The following PPM1H variants were observed in gnomAD, a reference collection of about 807,000 sequenced individuals.
PPM1H encodes the protein protein phosphatase, Mg2+/Mn2+ dependent 1H.
Under a neutral mutation model 54.9 loss-of-function variants are expected in PPM1H, and 27 were observed. That is an observed-to-expected ratio of 0.49 (90% CI 0.36 to 0.68). The LOEUF is 0.68. Ranked by LOEUF, PPM1H falls within the 30% of genes least tolerant of loss-of-function variation. The probability of loss-of-function intolerance (pLI) is 0.00; values close to 1 mark genes in which losing one functional copy is unlikely to be tolerated. For synonymous variants in PPM1H, 305 were observed against 270.8 expected (o/e 1.13, Z -1.24); for missense variants, 596 against 667.8 (o/e 0.89, Z 1.19).
chr12:62,914,782 G>A (rs1565827829), intron 1 of PPM1H, among the ~76,000 whole-genome samples: 1 of 152,146 alleles, frequency 6.6e-6, no homozygotes, highest in Non-Finnish European at 1.5e-5. Flanking sequence ...TACCTACAAA[G>A]GGAGCAGAGA....
At chr12:62,853,189 G>A (rs1869259505) in intron 1 of PPM1H, among the ~76,000 whole-genome samples, 1 of 151,974 alleles carries the variant, frequency 6.6e-6, no homozygotes, top group Admixed American at 6.6e-5. Flanking sequence ...TTGTTCTTAG[G>A]TGATTCAGAC....
chr12:62,915,858 T>C (rs887071685), intron 1 of PPM1H, among the ~76,000 whole-genome samples: 1 of 152,150 alleles, frequency 6.6e-6, no homozygotes, highest in East Asian at 1.9e-4. Flanking sequence ...CACAAAAGAT[T>C]TTTCTAATTC....
intron 1 of PPM1H, among the ~76,000 whole-genome samples, chr12:62,865,176 A>G (rs1869731557): frequency 6.6e-6 from 1 of 152,172 alleles, no homozygotes; most frequent in Admixed American, 6.5e-5. Flanking sequence ...GCCCCTCCTA[A>G]GAAGGTGTCC....
rs546905544 is a variant in PPM1H, at chr12:62,790,155, T to C, written c.757-1817A>G. On this transcript the variant is annotated intron_variant, in intron 3 of 9. Transcript: ENST00000228705. ...TCCTCATGGAAAAGGGGGAGAGAAG[T>C]CAAGACCCCAGCATTTACCAGCAAC... 2.0e-5 allele frequency among the ~76,000 whole-genome samples: 3 copies of C among 152,182 alleles called. No individual in the cohort carries two copies. The East Asian group carries it at 5.8e-4, about 29-fold the overall frequency.
intron 7 of PPM1H, among the ~76,000 whole-genome samples, chr12:62,691,810 C>CA (rs34984420): frequency 0.24 from 31,115 of 127,624 alleles, 3,892 homozygotes; most frequent in East Asian, 0.35. Flanking sequence ...TGCCATGTCT[C>CA]AAAAAAAAAA....
chr12:62,694,072 T>C, intron 6 of PPM1H, 73 bp from the exon 7 acceptor site: 1 of 1,349,256 alleles, frequency 7.4e-7, no homozygotes, highest in South Asian at 1.3e-5. Context: ...CACCGACTGC[T>C]AGGGATTTCA....
At chr12:62,677,011 C>G (rs1244638468) in intron 8 of PPM1H, among the ~76,000 whole-genome samples, 1 of 152,138 alleles carries the variant, frequency 6.6e-6, no homozygotes, top group Non-Finnish European at 1.5e-5. Context: ...TCAGCTTGCA[C>G]TTCCTCCCTT....
chr12:62,745,434 G>A (rs1239924350), intron 4 of PPM1H, among the ~76,000 whole-genome samples: 1 of 152,162 alleles, frequency 6.6e-6, no homozygotes, highest in African/African-American at 2.4e-5. Flanking sequence ...AGTTTGAAGA[G>A]GAACTGATTT....
At chr12:62,912,141 G>A (rs1871480562) in intron 1 of PPM1H, among the ~76,000 whole-genome samples, 1 of 152,166 alleles carries the variant, frequency 6.6e-6, no homozygotes, top group South Asian at 2.1e-4. Flanking sequence ...TTATATGAAA[G>A]GACTCTAATT....
chr12:62,821,502 A>T (rs1417191582), intron 2 of PPM1H, among the ~76,000 whole-genome samples: 1 of 152,188 alleles, frequency 6.6e-6, no homozygotes, highest in Non-Finnish European at 1.5e-5. Flanking sequence ...TGAAGGAAAA[A>T]ATGTTAAGGG....
At chr12:62,850,302 C>T (rs1203027067) in intron 1 of PPM1H, among the ~76,000 whole-genome samples, 1 of 152,032 alleles carries the variant, frequency 6.6e-6, no homozygotes, top group African/African-American at 2.4e-5. Context: ...ATTCCATGGA[C>T]ATTTCAAAAC....
chr12:62,801,694 G>C (rs2076770725), intron 3 of PPM1H, 122 bp downstream of exon 3: 1 of 1,044,280 alleles, frequency 9.6e-7, no homozygotes, highest in South Asian at 1.6e-5. Flanking sequence ...ATCACAGGGG[G>C]CCGTCCAGGT....
At chr12:62,705,321 A>G (rs1157987511) in intron 6 of PPM1H, among the ~76,000 whole-genome samples, 1 of 152,220 alleles carries the variant, frequency 6.6e-6, no homozygotes, top group Non-Finnish European at 1.5e-5. Flanking sequence ...CCAAATTAGG[A>G]GCTCAGGCTT....
intron 1 of PPM1H, among the ~76,000 whole-genome samples, chr12:62,891,234 A>G (rs952586575): frequency 1.3e-5 from 2 of 152,166 alleles, no homozygotes; most frequent in Non-Finnish European, 2.9e-5. Context: ...ATACGAATGG[A>G]AATACTCATA....
chr12:62,742,266 T>C (rs2076385794), intron 4 of PPM1H, among the ~76,000 whole-genome samples: 1 of 152,234 alleles, frequency 6.6e-6, no homozygotes, highest in Non-Finnish European at 1.5e-5. Flanking sequence ...TCACTTCCGT[T>C]TGAACTACCA....
intron 4 of PPM1H, among the ~76,000 whole-genome samples, chr12:62,772,865 A>G (rs1286741072): frequency 6.6e-6 from 1 of 152,156 alleles, no homozygotes; most frequent in Admixed American, 6.5e-5. Context: ...AAACAAAGTC[A>G]TAGGCTGGGT....
At chr12:62,932,503 G>A (rs1409262453) in intron 1 of PPM1H, among the ~76,000 whole-genome samples, 1 of 151,826 alleles carries the variant, frequency 6.6e-6, no homozygotes, top group African/African-American at 2.4e-5. Flanking sequence ...AGGCGCCCTC[G>A]CCCTGGGAAA....
chr12:62,904,233 C>T (rs1871242708), intron 1 of PPM1H, among the ~76,000 whole-genome samples: 1 of 151,896 alleles, frequency 6.6e-6, no homozygotes, highest in African/African-American at 2.4e-5. Flanking sequence ...AAAATTAGTT[C>T]TTCATAAATT....
chr12:62,878,051 C>A (rs1870244567), intron 1 of PPM1H, among the ~76,000 whole-genome samples: 1 of 152,264 alleles, frequency 6.6e-6, no homozygotes, highest in African/African-American at 2.4e-5. Context: ...GCGCCCGCCA[C>A]CACGCCCGGC....
Sources: gnomAD v4.1 joint callset for allele counts (sites outside exome capture counted in the v4.1 genomes callset) on GRCh38, gnomAD v4.1.1 for gene constraint, MANE v1.5 for transcripts, NCBI Gene and HGNC (gene_info 2026-07-23, HGNC 2026-07-21) for gene names.